Variants in SLC26A6 observed in about 807,000 individuals in gnomAD.
SLC26A6 encodes solute carrier family 26 member 6.
SLC26A6 carries 67 observed loss-of-function variants against 87.1 expected under a neutral mutation model. The observed-to-expected ratio is 0.77, with a 90% CI of 0.63 to 0.94. The LOEUF (loss-of-function observed/expected upper bound fraction) is 0.94. Ranked by LOEUF, SLC26A6 falls within the 40% of genes least tolerant of loss-of-function variation. SLC26A6 has a pLI of 0.00. For missense variants in SLC26A6, 902 were observed against 973.0 expected, an observed-to-expected ratio of 0.93 and a Z score of 0.97; for synonymous variants, 414 against 405.9, an observed-to-expected ratio of 1.02 and a Z score of -0.24.
chr3:48,630,284 C>G lies in SLC26A6; in HGVS notation c.1327-127G>C. The G allele has an allele frequency of 3.1e-6, 4 of 1,310,450 alleles. No individual in the cohort carries two copies. In the South Asian group the frequency reaches 4.0e-5, roughly 13 times the overall value. 81.2% of individuals were successfully genotyped at this position (1,310,450 alleles called of 1,614,324 possible). A position where few individuals can be genotyped will look rare whatever the true frequency, so the allele number is the denominator to read the frequency against. Reference sequence around the variant, plus strand: ...ACCCCAGACACAAACCCCCACCCAGCCCCTGACCCTTGTCTCCAAATCTCA... The same window carrying G: ...ACCCCAGACACAAACCCCCACCCAGGCCCTGACCCTTGTCTCCAAATCTCA... On this transcript the variant is annotated intron_variant, in intron 11 of 20. Coordinates refer to ENST00000395550, the MANE Select transcript of SLC26A6 (RefSeq NM_022911.3).
Position 48,633,068 on chromosome 3 carries a change from G to C in SLC26A6, c.339C>G (p.Leu113=). The change falls in exon 4 of 21, where the codon CTC becomes CTG. Residue 113 remains leucine (L), a synonymous_variant. Coordinates refer to ENST00000395550, the MANE Select transcript of SLC26A6 (RefSeq NM_022911.3). The part of the protein sequence containing the change: ...MQLPQGLAYA[L]LAGLPPVFGL... ...CAAACACGGGGGGCAATCCAGCCAGGAGGGCGTAGGCCAAGCCTAGGGGTA... is the reference window on the plus strand; with the variant it reads ...CAAACACGGGGGGCAATCCAGCCAGCAGGGCGTAGGCCAAGCCTAGGGGTA... The C allele has an allele frequency of 6.2e-7, 1 of 1,612,954 alleles. No homozygotes were observed. Among genetic ancestry groups the C allele is most frequent in the Non-Finnish European group, 8.5e-7 (1 of 1,179,596 alleles).
chr3:48,633,805 C>T (rs935519383), intron 1 of SLC26A6, 170 bp from the exon 2 acceptor site: 14 of 1,449,198 alleles, frequency 9.7e-6, no homozygotes, highest in Non-Finnish European at 1.3e-5. Flanking sequence ...CAAACTCAGA[C>T]AGGGGCAGTA....
Position 48,632,341 on chromosome 3 carries a change from C to T in SLC26A6, c.489G>A (p.Pro163=), listed in dbSNP as rs1371391558. The T allele has an allele frequency of 7.4e-6, 12 of 1,612,614 alleles. No individual in the cohort carries two copies. Among genetic ancestry groups the T allele is most frequent in the African/African-American group, 5.3e-5 (4 of 74,868 alleles). The change falls in exon 5 of 21, where the codon CCG becomes CCA. Residue 163 remains proline (P), a synonymous_variant. Transcript: ENST00000395550. ...MVGSVTESLA[P]QALNDSMINE... is the part of the protein sequence containing the mutation. ...TGATCATGGAGTCGTTCAAGGCCTG[C>T]GGGGCCAGGGATTCTGTCACACTGC...
At position 48,632,392 on chromosome 3, in the gene SLC26A6, G is replaced by A. The variant is rs775000366; in HGVS notation, c.438C>T (p.Thr146=). The part of the protein sequence containing the change: ...FGTSRHISVG[T]FAVMSVMVGS... The stretch of plus-strand genomic sequence containing the variant: ...CCACCATCACAGACATGACAGCAAA[G>A]GTCCCTGTAAGGACGGCACGGGGCA... Residue 146 remains threonine, a synonymous_variant, in exon 5 of 21, where the codon ACC becomes ACT. Transcript: ENST00000395550. 11 of 1,606,710 alleles carry A rather than the reference G, an allele frequency of 6.8e-6. No individual in the cohort carries two copies. In the South Asian group the frequency reaches 7.8e-5, roughly 11 times the overall value.
At position 48,626,067 on chromosome 3, in the gene SLC26A6, G is replaced by T. The variant is rs1465001455; in HGVS notation, c.2266-67C>A. 5.0e-6 allele frequency: 8 copies of T among 1,612,892 alleles called. No individual in the cohort carries two copies. In the Admixed American group the frequency reaches 1.3e-4, roughly 27 times the overall value. ...GGACACAGACCAACCCCCGCCCCTAGAACAGCTTTATCCAAAGACAGCGGA... is the reference window on the plus strand; with the variant it reads ...GGACACAGACCAACCCCCGCCCCTATAACAGCTTTATCCAAAGACAGCGGA... On this transcript the variant is annotated intron_variant, in intron 20 of 20. Transcript: ENST00000395550.
In SLC26A6 at chr3:48,625,995, G is replaced by A. The variant is rs202237629; in HGVS notation, c.2271C>T (p.Thr757=). The change falls in exon 21 of 21, where the codon ACC becomes ACT. Residue 757 remains threonine, a synonymous_variant. Coordinates refer to ENST00000395550, the MANE Select transcript of SLC26A6 (RefSeq NM_022911.3). The surrounding 1 kb of genome is among the most constrained non-coding windows in gnomAD (Gnocchi z 4.7). ...RPVPDSPVSV[T]RL is the part of the protein sequence containing the mutation. ...GCAGGATGTAGCATGTTCAGAGTCT[G>A]GTGACCTGAGCAGGCAGAGGAGGGG... is the stretch of plus-strand genomic sequence containing the variant. 3.1e-6 allele frequency: 5 copies of A among 1,613,868 alleles called. No individual in the cohort carries two copies. Among genetic ancestry groups the A allele is most frequent in the East Asian group, 4.5e-5 (2 of 44,876 alleles).
Position 48,629,623 on chromosome 3 carries a change from C to T in SLC26A6, c.1599+19G>A, listed in dbSNP as rs914204336. The T allele has an allele frequency of 6.3e-7, 1 of 1,598,696 alleles. No homozygotes were observed. Among genetic ancestry groups the T allele is most frequent in the Non-Finnish European group, 8.5e-7 (1 of 1,173,562 alleles). ...CCGTCTCCCCATCCACACCATCTCA[C>T]TCAGCCCCTGACACTCACCTCTGAG... On this transcript the variant is annotated intron_variant, in intron 14 of 20. Transcript: ENST00000395550.
At position 48,628,612 on chromosome 3, in the gene SLC26A6, T is replaced by G. The variant is rs1242741087; in HGVS notation, c.1692+10A>C. On this transcript the variant is annotated intron_variant, in intron 15 of 20. Transcript: ENST00000395550. The surrounding 1 kb of genome is among the most constrained non-coding windows in gnomAD (Gnocchi z 4.4). ...GGGGCCTGACACCCATCCTGGGGAC[T>G]CCGTCTCACCCTCTGCTTCAGCGCA... is the stretch of plus-strand genomic sequence containing the variant. The G allele has an allele frequency of 6.2e-7, 1 of 1,613,934 alleles. No individual in the cohort carries two copies. The highest frequency in any genetic ancestry group is 2.2e-5 in the East Asian group (1 of 44,886).
In SLC26A6 at chr3:48,628,790, C is replaced by A; in HGVS notation, c.1600-76G>T. The A allele has an allele frequency of 2.6e-6, 4 of 1,523,090 alleles. No homozygotes were observed. The highest frequency in any genetic ancestry group is 3.6e-6 in the Non-Finnish European group (4 of 1,118,684). 94.3% of individuals were successfully genotyped at this position (1,523,090 alleles called of 1,614,324 possible). A position where few individuals can be genotyped will look rare whatever the true frequency, so the allele number is the denominator to read the frequency against. On this transcript the variant is annotated intron_variant, in intron 14 of 20. Transcript: ENST00000395550. This position sits in a 1 kb window ranked among gnomAD's most constrained non-coding sequence, Gnocchi z 4.4. ...CATCCTGTTCTCCTGCCTTTCCTTC[C>A]CTAGTGTGCCCAGTGCCTGCCACCG...
chr3:48,626,330 G>C lies in SLC26A6; in HGVS notation c.2153C>G (p.Ala718Gly), dbSNP rs765836110. Reference protein sequence around the residue: ...CHSPVVSQLEAGHFFDASITK... With the variant: ...CHSPVVSQLEGGHFFDASITK... ...GATGGATGCATCGAAGAAGTGCCCA[G>C]CCTCAAGCTGGCTGACCACAGGGCC... is the stretch of plus-strand genomic sequence containing the variant. The change falls in exon 20 of 21, where the codon GCT becomes GGT. Residue 718 changes from alanine to glycine, a missense_variant. Transcript: ENST00000395550. 6.2e-7 allele frequency: 1 copy of C among 1,614,054 alleles called. No individual in the cohort carries two copies. Among genetic ancestry groups the C allele is most frequent in the Non-Finnish European group, 8.5e-7 (1 of 1,180,024 alleles).
At chr3:48,626,769 A>G (rs2106642156) in intron 18 of SLC26A6, 84 bp from the exon 19 acceptor site, 1 of 1,609,462 alleles carries the variant, frequency 6.2e-7, no homozygotes, top group East Asian at 2.2e-5. Flanking sequence ...GGGAGTTTAG[A>G]AGGGGAGCTT....
At position 48,628,384 on chromosome 3, in the gene SLC26A6, C is replaced by A. The variant is rs1164465491; in HGVS notation, c.1800+50G>T. ...TCGGGGGCCAGGAGAAAGGCTGGGG[C>A]AGGGAACAGGGGGCAGGAGATGGGG... On this transcript the variant is annotated intron_variant, in intron 16 of 20. Transcript: ENST00000395550. The surrounding 1 kb of genome is among the most constrained non-coding windows in gnomAD (Gnocchi z 4.4). The A allele has an allele frequency of 6.2e-7, 1 of 1,602,404 alleles. No homozygotes were observed. The highest frequency in any genetic ancestry group is 1.1e-5 in the South Asian group (1 of 90,566).
In SLC26A6 at chr3:48,628,381, G is replaced by A; in HGVS notation, c.1800+53C>T. The A allele has an allele frequency of 6.2e-7, 1 of 1,609,372 alleles. No individual in the cohort carries two copies. The highest frequency in any genetic ancestry group is 8.5e-7 in the Non-Finnish European group (1 of 1,177,860). On this transcript the variant is annotated intron_variant, in intron 16 of 20. Transcript: ENST00000395550. This position sits in a 1 kb window ranked among gnomAD's most constrained non-coding sequence, Gnocchi z 4.4. ...GAGTCGGGGGCCAGGAGAAAGGCTG[G>A]GGCAGGGAACAGGGGGCAGGAGATG...
At position 48,630,079 on chromosome 3, in the gene SLC26A6, C is replaced by T. The variant is rs763191057; in HGVS notation, c.1405G>A (p.Ala469Thr). ...GCACTCACCAGATCCGCCCGATTGG[C>T]CTTCCAGAGGGAGCGCATGTCGCTG... ...QLSDMRSLWK[A>T]NRADLLIWLV... The change falls in exon 12 of 21, where the codon GCC (alanine) becomes ACC (threonine). Residue 469 changes from alanine to threonine, a missense_variant. By Grantham distance (58) the Ala-to-Thr change is moderately conservative. Coordinates refer to ENST00000395550, the MANE Select transcript of SLC26A6 (RefSeq NM_022911.3). The T allele has an allele frequency of 1.2e-6, 2 of 1,612,218 alleles. No homozygotes were observed. The highest frequency in any genetic ancestry group is 1.7e-6 in the Non-Finnish European group (2 of 1,178,588).
In SLC26A6 at chr3:48,625,980, G is replaced by A; in HGVS notation, c.*6C>T. ...GAGGTGCAGTCTTGGGCAGGATGTA[G>A]CATGTTCAGAGTCTGGTGACCTGAG... On this transcript the variant is annotated 3_prime_UTR_variant, in exon 21 of 21. Coordinates refer to ENST00000395550, the MANE Select transcript of SLC26A6 (RefSeq NM_022911.3). This position sits in a 1 kb window ranked among gnomAD's most constrained non-coding sequence, Gnocchi z 4.7. 1.2e-6 allele frequency: 2 copies of A among 1,613,886 alleles called. No individual in the cohort carries two copies. Among genetic ancestry groups the A allele is most frequent in the South Asian group, 2.2e-5 (2 of 91,036 alleles).
chr3:48,626,079 C>G (rs2046612540), intron 20 of SLC26A6, 79 bp from the exon 21 acceptor site: 6 of 1,612,574 alleles, frequency 3.7e-6, no homozygotes. Context: ...ACAGCTTTAT[C>G]CAAAGACAGC....
At chr3:48,632,455 C>T in intron 4 of SLC26A6, 59 bp from the exon 5 acceptor site, 1 of 1,572,544 alleles carries the variant, frequency 6.4e-7, no homozygotes, top group Non-Finnish European at 8.6e-7. Flanking sequence ...GCCCTGGAGC[C>T]CTGGTCTTAA....
chr3:48,632,805 C>T (rs760428155), intron 4 of SLC26A6, 169 bp downstream of exon 4: 1 of 722,632 alleles, frequency 1.4e-6, no homozygotes, highest in Non-Finnish European at 2.4e-6. Context: ...TGTGGTCCTA[C>T]AGTCAGGGGT....
intron 5 of SLC26A6, 23 bp downstream of exon 5, chr3:48,632,222 A>AC: frequency 6.4e-7 from 1 of 1,574,548 alleles, no homozygotes; most frequent in Non-Finnish European, 8.6e-7. Context: ...GGTGGGGGGC[A>AC]CATACTCCTG....
Sources: allele counts gnomAD v4.1 joint callset, GRCh38; gene constraint gnomAD v4.1.1; non-coding constraint Gnocchi (gnomAD v3.1); transcripts MANE v1.5; gene names NCBI Gene and HGNC (gene_info 2026-07-23, HGNC 2026-07-21).